Variants in PTPRN2 observed in about 807,000 individuals in gnomAD.
PTPRN2 encodes the protein protein tyrosine phosphatase receptor type N2.
PTPRN2 carries 74 observed loss-of-function variants against 118.8 expected under a neutral mutation model. That is an observed-to-expected ratio of 0.62 (90% CI 0.52 to 0.76). PTPRN2 has a LOEUF of 0.76. Among genes scored for constraint, PTPRN2 ranks in the 30% least tolerant of loss-of-function variants. The probability of loss-of-function intolerance (pLI) is 0.00; values close to 1 mark genes in which losing one functional copy is unlikely to be tolerated. For synonymous variants in PTPRN2, 641 were observed against 608.0 expected, an observed-to-expected ratio of 1.05 and a Z score of -0.80; for missense variants, 1,481 against 1,394.4, an observed-to-expected ratio of 1.06 and a Z score of -0.99.
In PTPRN2 at chr7:157,987,280, G is replaced by A. The variant is rs979780201; in HGVS notation, c.1724-88543C>T. Among the ~76,000 whole-genome samples, 7 of 151,522 alleles carry A rather than the reference G, an allele frequency of 4.6e-5. No homozygotes were observed. The highest frequency in any genetic ancestry group is 1.9e-4 in the East Asian group (1 of 5,146). On this transcript the variant is annotated intron_variant, in intron 11 of 22. Coordinates refer to ENST00000389418, the MANE Select transcript of PTPRN2 (RefSeq NM_002847.5). This position sits in a 1 kb window ranked among gnomAD's most constrained non-coding sequence, Gnocchi z 4.3. Reference sequence around the variant, plus strand: ...GTGTGGAGCTTACTGGAACCTAAACGGGGGCAAGATGACCGGTCACTAAAG... The same window carrying A: ...GTGTGGAGCTTACTGGAACCTAAACAGGGGCAAGATGACCGGTCACTAAAG...
At position 158,517,672 on chromosome 7, in the gene PTPRN2, G is replaced by A. The variant is rs1823671772; in HGVS notation, c.113-27887C>T. Reference sequence around the variant, plus strand: ...GGGTGGAGTCCAAGCCAGCCTCATGGACAGCGTCTCCAGACTCTTCCCCAC... The same window carrying A: ...GGGTGGAGTCCAAGCCAGCCTCATGAACAGCGTCTCCAGACTCTTCCCCAC... On this transcript the variant is annotated intron_variant, in intron 1 of 22. Transcript: ENST00000389418. The surrounding 1 kb of genome is among the most constrained non-coding windows in gnomAD (Gnocchi z 5.3). 6.6e-6 allele frequency among the ~76,000 whole-genome samples: 1 copy of A among 152,136 alleles called. No homozygotes were observed. Among genetic ancestry groups the A allele is most frequent in the Non-Finnish European group, 1.5e-5 (1 of 68,020 alleles).
intron 11 of PTPRN2, among the ~76,000 whole-genome samples, chr7:158,060,723 G>A (rs995679336): frequency 2.6e-5 from 4 of 152,328 alleles, no homozygotes; most frequent in East Asian, 1.9e-4. Context: ...TGCACACCAG[G>A]CAGCCTGCTA....
intron 5 of PTPRN2, among the ~76,000 whole-genome samples, chr7:158,179,958 G>C (rs758590025): frequency 1.3e-5 from 2 of 152,234 alleles, no homozygotes; most frequent in Non-Finnish European, 2.9e-5. Flanking sequence ...TGACTGCAAA[G>C]CTTCCCTGAG....
intron 12 of PTPRN2, among the ~76,000 whole-genome samples, chr7:157,826,731 C>A (rs1205751414): frequency 6.6e-6 from 1 of 152,180 alleles, no homozygotes; most frequent in Non-Finnish European, 1.5e-5. Flanking sequence ...GGGGGTGTCA[C>A]AGGAGCAAGT....
In PTPRN2 at chr7:158,258,997, GGAGGCAGGAAGCA is replaced by G. The variant is rs899776708; in HGVS notation, c.278-53737_278-53725del. Among the ~76,000 whole-genome samples, 8 of 152,240 alleles carry G rather than the reference GGAGGCAGGAAGCA, an allele frequency of 5.3e-5. No homozygotes were observed. In the South Asian group the frequency reaches 1.7e-3, roughly 32 times the overall value. ...TGAGGGAGGTGCAGCGTCGGTACAG[GGAGGCAGGAAGCA>G]GGAGCAGGACGGGTTGAGGCAGCAG... is the stretch of plus-strand genomic sequence containing the variant. On this transcript the variant is annotated intron_variant, in intron 3 of 22. Coordinates refer to ENST00000389418, the MANE Select transcript of PTPRN2 (RefSeq NM_002847.5).
chr7:158,055,339 C>T (rs1197859559), intron 11 of PTPRN2, among the ~76,000 whole-genome samples: 1 of 152,148 alleles, frequency 6.6e-6, no homozygotes, highest in Admixed American at 6.5e-5. Context: ...GGAAGATGCC[C>T]GTTGCCAAGC....
intron 6 of PTPRN2, among the ~76,000 whole-genome samples, chr7:158,145,744 T>C (rs190380679): frequency 3.5e-4 from 54 of 152,304 alleles, no homozygotes; most frequent in Non-Finnish European, 1.3e-4. Flanking sequence ...CATTTCTTTT[T>C]CCATCATTGC....
chr7:158,376,153 G>A (rs7794102), intron 2 of PTPRN2, among the ~76,000 whole-genome samples: 133,632 of 152,174 alleles, frequency 0.88, 59,019 homozygotes, highest in East Asian at 0.99. Flanking sequence ...CACTCACCCC[G>A]GCTCCTGCAC....
chr7:157,917,966 A>C (rs1798504360), intron 11 of PTPRN2, among the ~76,000 whole-genome samples: 1 of 152,102 alleles, frequency 6.6e-6, no homozygotes, highest in African/African-American at 2.4e-5. Flanking sequence ...ATTTTTTTGT[A>C]TTAAAAGGCA....
intron 2 of PTPRN2, among the ~76,000 whole-genome samples, chr7:158,387,625 T>C (rs1261992146): frequency 1.3e-5 from 2 of 152,282 alleles, no homozygotes; most frequent in African/African-American, 2.4e-5. Flanking sequence ...GGAGAGCTGC[T>C]GTGAGGCCCT....
intron 14 of PTPRN2, among the ~76,000 whole-genome samples, chr7:157,634,370 A>G (rs1487095687): frequency 1.3e-5 from 2 of 152,218 alleles, no homozygotes; most frequent in Non-Finnish European, 2.9e-5. Context: ...CAAGACATTC[A>G]GATATTGAAT....
At chr7:158,053,743 A>G (rs1393019850) in intron 11 of PTPRN2, among the ~76,000 whole-genome samples, 2 of 150,930 alleles carry the variant, frequency 1.3e-5, no homozygotes, top group African/African-American at 4.9e-5. Flanking sequence ...GACCCTAGAG[A>G]TGCAGAGACT....
intron 6 of PTPRN2, among the ~76,000 whole-genome samples, chr7:158,143,218 A>G (rs535493029): frequency 1.7e-4 from 26 of 152,332 alleles, no homozygotes; most frequent in African/African-American, 4.6e-4. Context: ...ATCGGGAGGA[A>G]GAGCTGTGTC....
In PTPRN2 at chr7:157,953,856, C is replaced by A. The variant is rs867239931; in HGVS notation, c.1724-55119G>T. ...GGTGCTGGAGAAATGTAAGCAAATC[C>A]GCATTTCGAAGCAGAAATCGCTGGT... is the stretch of plus-strand genomic sequence containing the variant. On this transcript the variant is annotated intron_variant, in intron 11 of 22. Coordinates refer to ENST00000389418, the MANE Select transcript of PTPRN2 (RefSeq NM_002847.5). This position sits in a 1 kb window ranked among gnomAD's most constrained non-coding sequence, Gnocchi z 4.6. Among the ~76,000 whole-genome samples the A allele has an allele frequency of 6.6e-6, 1 of 152,074 alleles. No homozygotes were observed. The highest frequency in any genetic ancestry group is 1.9e-4 in the East Asian group (1 of 5,176).
At chr7:158,019,708 T>TC (rs763953382) in intron 11 of PTPRN2, among the ~76,000 whole-genome samples, 27 of 152,096 alleles carry the variant, frequency 1.8e-4, no homozygotes, top group Non-Finnish European at 3.2e-4. Flanking sequence ...GCGGGCTGTG[T>TC]CCCCTCCAAG....
chr7:158,243,836 C>T (rs1211760441), intron 3 of PTPRN2, among the ~76,000 whole-genome samples: 1 of 152,146 alleles, frequency 6.6e-6, no homozygotes, highest in Admixed American at 6.5e-5. Context: ...CTAACTACTG[C>T]TAAGCACTAA....
At chr7:157,723,481 C>T (rs942901133) in intron 12 of PTPRN2, among the ~76,000 whole-genome samples, 11 of 152,234 alleles carry the variant, frequency 7.2e-5, no homozygotes, top group Non-Finnish European at 1.6e-4. Flanking sequence ...CCCCTCTCCC[C>T]ACACCAGCAT....
chr7:157,565,165 T>C (rs1310753721), intron 21 of PTPRN2, among the ~76,000 whole-genome samples: 1 of 152,180 alleles, frequency 6.6e-6, no homozygotes, highest in Admixed American at 6.5e-5. Context: ...GAGATGTGTA[T>C]CCACACACAA....
At chr7:157,595,830 A>G (rs556456426) in intron 16 of PTPRN2, among the ~76,000 whole-genome samples, 35 of 152,322 alleles carry the variant, frequency 2.3e-4, no homozygotes, top group African/African-American at 8.2e-4. Flanking sequence ...CCGAGCCTTG[A>G]GCCTGAACCA....
Sources: allele counts gnomAD v4.1 joint callset (sites outside exome capture counted in the v4.1 genomes callset), GRCh38; gene constraint gnomAD v4.1.1; non-coding constraint Gnocchi (gnomAD v3.1); transcripts MANE v1.5; gene names NCBI Gene and HGNC (gene_info 2026-07-23, HGNC 2026-07-21).